The following GOLM2 variants were observed in gnomAD, a reference collection of about 807,000 sequenced individuals.
GOLM2 encodes golgi membrane protein 2, also known as protein GOLM2.
In GOLM2, 26 loss-of-function variants were observed where a neutral mutation model predicts 55.9. The ratio of observed to expected loss-of-function variants is 0.47; its 90% CI spans 0.34 to 0.65. The LOEUF (loss-of-function observed/expected upper bound fraction) is 0.65, where lower values mean the gene tolerates loss of function less well. Among genes scored for constraint, GOLM2 ranks in the 30% least tolerant of loss-of-function variants. The probability of loss-of-function intolerance (pLI) is 0.01; values close to 1 mark genes in which losing one functional copy is unlikely to be tolerated. For synonymous variants in GOLM2, 165 were observed against 194.6 expected, an observed-to-expected ratio of 0.85 and a Z score of 1.27; for missense variants, 486 against 531.8, an observed-to-expected ratio of 0.91 and a Z score of 0.85.
At chr15:44,388,802 C>G (rs1390359652) in intron 8 of GOLM2, among the ~76,000 whole-genome samples, 5 of 152,068 alleles carry the variant, frequency 3.3e-5, no homozygotes, top group Non-Finnish European at 5.9e-5. Context: ...GCATGCATCA[C>G]TGAGCCCAAT....
In GOLM2 at chr15:44,391,441, C is replaced by T. The variant is rs536120435; in HGVS notation, c.1072+10465C>T. On this transcript the variant is annotated intron_variant, in intron 8 of 9. Transcript: ENST00000299957. ...CTGAGGCAGGAGAATGGCGTGAACC[C>T]GGGAGGTGGAGGTTGCAGTGAGCCA... Among the ~76,000 whole-genome samples, 6 of 151,280 alleles carry T rather than the reference C, an allele frequency of 4.0e-5. 1 individual carries two copies. In the South Asian group the frequency reaches 1.3e-3, roughly 32 times the overall value.
chr15:44,361,364 A>G (rs1224790391), intron 6 of GOLM2, among the ~76,000 whole-genome samples: 2 of 152,170 alleles, frequency 1.3e-5, no homozygotes, highest in Admixed American at 1.3e-4. Context: ...TAAAGGGGAT[A>G]TCACCACCGA....
At chr15:44,328,959 A>C (rs2079003429) in intron 3 of GOLM2, among the ~76,000 whole-genome samples, 172 bp downstream of exon 3, 1 of 151,780 alleles carries the variant, frequency 6.6e-6, no homozygotes, top group African/African-American at 2.4e-5. Flanking sequence ...TGAAATCCAG[A>C]CTCTTTTATT....
At chr15:44,326,621 C>T (rs182464733) in intron 2 of GOLM2, among the ~76,000 whole-genome samples, 30 of 150,124 alleles carry the variant, frequency 2.0e-4, no homozygotes, top group Admixed American at 1.5e-3. Context: ...TGTTTAAAAA[C>T]ATCTGCTTTT....
intron 1 of GOLM2, among the ~76,000 whole-genome samples, chr15:44,308,943 T>C (rs2078856343): frequency 6.6e-6 from 1 of 152,166 alleles, no homozygotes; most frequent in Non-Finnish European, 1.5e-5. Flanking sequence ...GTAATAACAA[T>C]GAACAACCTG....
At chr15:44,302,967 G>C (rs1473137211) in intron 1 of GOLM2, among the ~76,000 whole-genome samples, 2 of 152,166 alleles carry the variant, frequency 1.3e-5, no homozygotes, top group Non-Finnish European at 2.9e-5. Context: ...GCCGGGCGTA[G>C]TGGCGGACGC....
chr15:44,297,718 G>A (rs1243895533), intron 1 of GOLM2, among the ~76,000 whole-genome samples: 1 of 150,558 alleles, frequency 6.6e-6, no homozygotes, highest in Admixed American at 6.6e-5. Context: ...CCCGCCACCA[G>A]GCCCAGCTAA....
intron 6 of GOLM2, chr15:44,355,134 T>C: frequency 5.0e-6 from 1 of 200,786 alleles, no homozygotes; most frequent in Admixed American, 5.2e-5. Flanking sequence ...CAGCATTGCC[T>C]CCTGCACCAC....
intron 1 of GOLM2, among the ~76,000 whole-genome samples, chr15:44,318,724 A>T (rs563947641): frequency 1.6e-3 from 238 of 152,156 alleles, no homozygotes; most frequent in Admixed American, 3.3e-3. Flanking sequence ...AAAAAAAAAA[A>T]AATTGGAAGT....
At chr15:44,406,930 T>G (rs2079600798) in intron 9 of GOLM2, 1 of 151,884 alleles carries the variant, frequency 6.6e-6, no homozygotes, top group South Asian at 2.1e-4. Flanking sequence ...ATTCCAGCCT[T>G]TTATCTGATA....
At chr15:44,346,632 A>C (rs1222231641) in intron 6 of GOLM2, among the ~76,000 whole-genome samples, 1 of 152,214 alleles carries the variant, frequency 6.6e-6, no homozygotes, top group Non-Finnish European at 1.5e-5. Flanking sequence ...GTTGGACAGC[A>C]CCAATGCAGA....
At chr15:44,377,997 CATG>C (rs1249827830) in intron 6 of GOLM2, among the ~76,000 whole-genome samples, 1 of 150,078 alleles carries the variant, frequency 6.7e-6, no homozygotes, top group Admixed American at 6.6e-5. Flanking sequence ...TCTATAGGAA[CATG>C]TTATTAAGAA....
intron 1 of GOLM2, among the ~76,000 whole-genome samples, chr15:44,316,811 C>G (rs2078913390): frequency 6.6e-6 from 1 of 151,714 alleles, no homozygotes; most frequent in South Asian, 2.1e-4. Context: ...ATGGCAAAAC[C>G]CTGTCTGTAC....
intron 1 of GOLM2, among the ~76,000 whole-genome samples, chr15:44,291,547 C>T (rs2078720832): frequency 6.6e-6 from 1 of 152,198 alleles, no homozygotes; most frequent in Non-Finnish European, 1.5e-5. Context: ...TCACAAATGG[C>T]AGTCTTCCTA....
At chr15:44,396,943 T>G (rs936268209) in intron 8 of GOLM2, among the ~76,000 whole-genome samples, 1 of 152,228 alleles carries the variant, frequency 6.6e-6, no homozygotes, top group Non-Finnish European at 1.5e-5. Context: ...GGGATGAAGC[T>G]ATATTGTTGC....
At chr15:44,369,010 T>A (rs1465733529) in intron 6 of GOLM2, among the ~76,000 whole-genome samples, 1 of 137,050 alleles carries the variant, frequency 7.3e-6, no homozygotes, top group African/African-American at 2.7e-5. Flanking sequence ...GGAGCCTGCG[T>A]TAGGGTTCCC....
In GOLM2 at chr15:44,359,661, G is replaced by A. The variant is rs150219533; in HGVS notation, c.803-20029G>A. ...TTATCCAGGAGAACTTCCCCAATCT[G>A]GCAAGGCAGGCCAACATTCAGATTC... On this transcript the variant is annotated intron_variant, in intron 6 of 9. Coordinates refer to ENST00000299957, the MANE Select transcript of GOLM2 (RefSeq NM_138423.4). 4.8e-3 allele frequency among the ~76,000 whole-genome samples: 727 copies of A among 152,216 alleles called. 14 individuals are homozygous for A. The highest frequency in any genetic ancestry group is 0.041 in the East Asian group (212 of 5,174).
intron 8 of GOLM2, among the ~76,000 whole-genome samples, chr15:44,392,005 C>CA (rs1057214855): frequency 6.6e-6 from 1 of 152,036 alleles, no homozygotes; most frequent in Non-Finnish European, 1.5e-5. Context: ...CACGTGCCAC[C>CA]ATGCCCTGCT....
chr15:44,335,206 G>A (rs2079048599), intron 4 of GOLM2, among the ~76,000 whole-genome samples: 1 of 152,046 alleles, frequency 6.6e-6, no homozygotes, highest in Non-Finnish European at 1.5e-5. Context: ...GGTAATTATG[G>A]ATGGTAGGTT....
Sources: gnomAD v4.1 joint callset for allele counts (sites outside exome capture counted in the v4.1 genomes callset) on GRCh38, gnomAD v4.1.1 for gene constraint, MANE v1.5 for transcripts, NCBI Gene and HGNC (gene_info 2026-07-23, HGNC 2026-07-21) for gene names.